Variants in SRSF7 observed in about 807,000 individuals in gnomAD.
SRSF7 encodes serine and arginine rich splicing factor 7, also known as serine/arginine-rich splicing factor 7.
SRSF7 carries 15 observed loss-of-function variants against 42.2 expected under a neutral mutation model. The ratio of observed to expected loss-of-function variants is 0.36; its 90% CI spans 0.24 to 0.55. The LOEUF (loss-of-function observed/expected upper bound fraction) is 0.55. Among genes scored for constraint, SRSF7 ranks in the 20% least tolerant of loss-of-function variants. The probability of loss-of-function intolerance (pLI) is 0.88; values close to 1 mark genes in which losing one functional copy is unlikely to be tolerated. For synonymous variants in SRSF7, 138 were observed against 107.9 expected, an observed-to-expected ratio of 1.28 and a Z score of -1.73; for missense variants, 181 against 305.9, an observed-to-expected ratio of 0.59 and a Z score of 3.04.
At chr2:38,748,307 G>T (rs983576387) in intron 4 of SRSF7, 150 bp from the exon 5 acceptor site, 3 of 684,346 alleles carry the variant, frequency 4.4e-6, no homozygotes, top group Non-Finnish European at 7.4e-6. Context: ...ACCAGCCTGG[G>T]AAACAGTGCA....
intron 1 of SRSF7, 134 bp from the exon 2 acceptor site, chr2:38,750,328 C>A: frequency 1.4e-6 from 1 of 715,706 alleles, no homozygotes; most frequent in Non-Finnish European, 2.2e-6. Context: ...CAAGACAAAA[C>A]TTAGTCGTAA....
At chr2:38,749,755 C>G (rs953176511) in intron 2 of SRSF7, 50 bp from the exon 3 acceptor site, 7 of 1,468,886 alleles carry the variant, frequency 4.8e-6, no homozygotes, top group Middle Eastern at 1.9e-4. Context: ...ATATTCAGGA[C>G]TTATAGATTT....
At chr2:38,746,812 A>G in intron 5 of SRSF7, 65 bp from the exon 6 acceptor site, 1 of 1,601,988 alleles carries the variant, frequency 6.2e-7, no homozygotes, top group Non-Finnish European at 8.5e-7. Flanking sequence ...TTAACTACTC[A>G]ACACTGTATT....
At chr2:38,745,620 A>G (rs377209726) in intron 7 of SRSF7, among the ~76,000 whole-genome samples, 145 of 151,902 alleles carry the variant, frequency 9.5e-4, no homozygotes, top group African/African-American at 3.2e-3. Context: ...GAGCCACTGC[A>G]CTCCAAGCCT....
chr2:38,746,437 G>A (rs1667425218), intron 6 of SRSF7, among the ~76,000 whole-genome samples: 1 of 152,126 alleles, frequency 6.6e-6, no homozygotes, highest in Non-Finnish European at 1.5e-5. Flanking sequence ...GCTTCTCCAT[G>A]CACCTATCAG....
Position 38,744,965 on chromosome 2 carries a change from T to G in SRSF7, c.*168A>C. ...TTTCAGACCATATGATGTTAATACA[T>G]TCAACAAAATTTATATTATCTTACT... On this transcript the variant is annotated 3_prime_UTR_variant, in exon 8 of 8. Transcript: ENST00000313117. The G allele has an allele frequency of 1.6e-6, 1 of 611,766 alleles. No individual in the cohort carries two copies. Among genetic ancestry groups the G allele is most frequent in the Non-Finnish European group, 2.7e-6 (1 of 369,320 alleles). The allele number at this position is 611,766 out of a possible 1,614,324, so 37.9% of individuals were successfully genotyped here. A position where few individuals can be genotyped will look rare whatever the true frequency, so the allele number is the denominator to read the frequency against.
Position 38,745,186 on chromosome 2 carries a change from G to A in SRSF7, c.664C>T (p.Arg222Cys). The A allele has an allele frequency of 4.3e-6, 7 of 1,613,920 alleles. No homozygotes were observed. The highest frequency in any genetic ancestry group is 4.0e-5 in the African/African-American group (3 of 74,930). The change falls in exon 8 of 8, where the codon CGT becomes TGT. Residue 222 changes from arginine to cysteine, a missense_variant and splice_region_variant. This residue lies in a region of SRSF7 where 136 missense variants were observed against 147.8 expected (regional missense o/e 0.92). Transcript: ENST00000313117. ...KSRSPSPKRS[R>C]SPSGSPRRSA... is the part of the protein sequence containing the mutation. ...CTGCGAGGACTTCCTGATGGGGAAC[G>A]ACTAAAAAGAAAAACATTAGGTTTG...
chr2:38,745,175 T>C lies in SRSF7; in HGVS notation c.675A>G (p.Ser225=). The C allele has an allele frequency of 1.2e-6, 2 of 1,614,190 alleles. No homozygotes were observed. Among genetic ancestry groups the C allele is most frequent in the South Asian group, 1.1e-5 (1 of 91,084 alleles). The change falls in exon 8 of 8, where the codon TCA becomes TCG. Residue 225 remains serine (S), a synonymous_variant. Transcript: ENST00000313117. ...GACTTGCACTTCTGCGAGGACTTCC[T>C]GATGGGGAACGACTAAAAAGAAAAA... ...SPSPKRSRSP[S]GSPRRSASPE...
At chr2:38,746,833 G>A (rs963164187) in intron 5 of SRSF7, 86 bp from the exon 6 acceptor site, 1 of 1,573,258 alleles carries the variant, frequency 6.4e-7, no homozygotes, top group African/African-American at 1.4e-5. Context: ...AGGTTGGTCA[G>A]GCATAAAGAA....
At chr2:38,746,000 A>G (rs1320439180) in intron 7 of SRSF7, 144 bp downstream of exon 7, 3 of 722,316 alleles carry the variant, frequency 4.2e-6, no homozygotes, top group Non-Finnish European at 4.5e-6. Flanking sequence ...AAAAAAAAAA[A>G]GTATTTCAGA....
chr2:38,748,169 A>T lies in SRSF7; in HGVS notation c.462-12T>A. The T allele has an allele frequency of 6.2e-7, 1 of 1,600,914 alleles. No homozygotes were observed. The highest frequency in any genetic ancestry group is 8.5e-7 in the Non-Finnish European group (1 of 1,173,122). Reference sequence around the variant, plus strand: ...ATGCTGACCTTGACCTAAAATAAAGAACTTTAAGTCCATCTCCACAGTTTT... The same window carrying T: ...ATGCTGACCTTGACCTAAAATAAAGTACTTTAAGTCCATCTCCACAGTTTT... On this transcript the variant is annotated splice_polypyrimidine_tract_variant and intron_variant, in intron 4 of 7. Transcript: ENST00000313117.
At chr2:38,751,093 C>A in intron 1 of SRSF7, 136 bp downstream of exon 1, 1 of 1,181,690 alleles carries the variant, frequency 8.5e-7, no homozygotes, top group Non-Finnish European at 1.3e-6. Flanking sequence ...CCGCTGCCTC[C>A]GGCTTCGTCT....
rs375040147 is a variant in SRSF7, at chr2:38,746,665, A to G, written c.626+29T>C. Reference sequence around the variant, plus strand: ...CTTTGGATATTGGTGCCATATAACTAGAAAAGCATAATCAAATTTTTACCC... The same window carrying G: ...CTTTGGATATTGGTGCCATATAACTGGAAAAGCATAATCAAATTTTTACCC... On this transcript the variant is annotated intron_variant, in intron 6 of 7. Coordinates refer to ENST00000313117, the MANE Select transcript of SRSF7 (RefSeq NM_001031684.3). The G allele has an allele frequency of 1.4e-5, 23 of 1,611,592 alleles. No homozygotes were observed. The African/African-American group carries it at 2.8e-4, about 20-fold the overall frequency.
Position 38,745,261 on chromosome 2 carries a change from A to G in SRSF7, c.663-74T>C, listed in dbSNP as rs532245067. On this transcript the variant is annotated intron_variant, in intron 7 of 7. Coordinates refer to ENST00000313117, the MANE Select transcript of SRSF7 (RefSeq NM_001031684.3). ...TCTCATGTACATGTACTAACTTTCA[A>G]TAACTTCAAAGGTGGCCTAAGGTAC... 8.6e-5 allele frequency: 131 copies of G among 1,517,554 alleles called. No individual in the cohort carries two copies. In the African/African-American group the frequency reaches 9.9e-4, roughly 11 times the overall value. 94.0% of individuals were successfully genotyped at this position (1,517,554 alleles called of 1,614,324 possible).
At position 38,745,069 on chromosome 2, in the gene SRSF7, A is replaced by T; in HGVS notation, c.*64T>A. ...CTTTCCTAGGTTACACTTTACAGAC[A>T]TCACAAATCCCTTATAATAATGTAA... On this transcript the variant is annotated 3_prime_UTR_variant, in exon 8 of 8. Coordinates refer to ENST00000313117, the MANE Select transcript of SRSF7 (RefSeq NM_001031684.3). 1.3e-6 allele frequency: 2 copies of T among 1,533,710 alleles called. No homozygotes were observed.
chr2:38,744,118 G>C lies in SRSF7; in HGVS notation c.*1015C>G. 49 of 152,690 alleles carry C rather than the reference G, an allele frequency of 3.2e-4. No individual in the cohort carries two copies. Among genetic ancestry groups the C allele is most frequent in the Non-Finnish European group, 5.0e-4 (34 of 68,030 alleles). 9.5% of individuals were successfully genotyped at this position (152,690 alleles called of 1,614,324 possible). ...AGCTGAGATTTACAAAACCACTTTA[G>C]TCTCATTGACATTTCTGATTGACAT... On this transcript the variant is annotated 3_prime_UTR_variant, in exon 8 of 8. Transcript: ENST00000313117.
chr2:38,748,797 AGTAT>A, intron 3 of SRSF7, 144 bp from the exon 4 acceptor site: 45 of 1,179,110 alleles, frequency 3.8e-5, no homozygotes, highest in Non-Finnish European at 4.5e-5. Flanking sequence ...TTAGTTGTTG[AGTAT>A]TTTTTTTTTT....
At chr2:38,746,777 T>C (rs757304587) in intron 5 of SRSF7, 30 bp from the exon 6 acceptor site, 28 of 1,612,458 alleles carry the variant, frequency 1.7e-5, no homozygotes, top group Middle Eastern at 1.6e-4. Context: ...AACACAATTA[T>C]ATCAATCAGT....
chr2:38,749,843 C>T lies in SRSF7; in HGVS notation c.210-138G>A, dbSNP rs1482544030. On this transcript the variant is annotated intron_variant, in intron 2 of 7. Coordinates refer to ENST00000313117, the MANE Select transcript of SRSF7 (RefSeq NM_001031684.3). ...ACAAACTTTGGCGGTCTTTACCAAG[C>T]CCTAACTCCATCTCCGCTATCTTCT... 199 of 1,256,182 alleles carry T rather than the reference C, an allele frequency of 1.6e-4. 1 individual carries two copies. Among genetic ancestry groups the T allele is most frequent in the African/African-American group, 3.0e-5 (2 of 65,654 alleles). The allele number at this position is 1,256,182 out of a possible 1,614,324, so 77.8% of individuals were successfully genotyped here.
Sources: gnomAD v4.1 joint callset for allele counts (sites outside exome capture counted in the v4.1 genomes callset) on GRCh38, gnomAD v4.1.1 for gene constraint, gnomAD v4.1.1 regional missense constraint, MANE v1.5 for transcripts, NCBI Gene and HGNC (gene_info 2026-07-23, HGNC 2026-07-21) for gene names.